Variants in ATXN7 observed in about 807,000 individuals in gnomAD.
ATXN7 encodes ataxin 7.
A neutral mutation model predicts 70.5 loss-of-function variants in ATXN7; 12 were observed. The observed-to-expected ratio is 0.17, with a 90% confidence interval of 0.11 to 0.28. The LOEUF is 0.28. Ranked by LOEUF, ATXN7 falls within the 10% of genes least tolerant of loss-of-function variation. The probability of loss-of-function intolerance (pLI) is 1.00; values close to 1 mark genes in which losing one functional copy is unlikely to be tolerated. For synonymous variants in ATXN7, 498 were observed against 448.7 expected (o/e 1.11, Z -1.39); for missense variants, 1,256 against 1,131.7 (o/e 1.11, Z -1.58).
At chr3:63,949,629 C>G (rs72883991) in intron 4 of ATXN7, among the ~76,000 whole-genome samples, 3,808 of 152,272 alleles carry the variant, frequency 0.025, 158 homozygotes, top group African/African-American at 0.084. Flanking sequence ...AACTCCTGAC[C>G]TCGGGTAATC....
At chr3:63,981,945 T>C (rs1041565831) in intron 6 of ATXN7, among the ~76,000 whole-genome samples, 52 of 152,214 alleles carry the variant, frequency 3.4e-4, no homozygotes, top group African/African-American at 1.2e-3. Flanking sequence ...GTAAAATTTT[T>C]TGAAATGATG....
intron 1 of ATXN7, among the ~76,000 whole-genome samples, chr3:63,871,742 T>C (rs1702597292): frequency 6.6e-6 from 1 of 152,156 alleles, no homozygotes; most frequent in Non-Finnish European, 1.5e-5. Flanking sequence ...TTGAAGTATA[T>C]GGAAGAAAAT....
chr3:63,895,415 G>A (rs149187909), intron 1 of ATXN7, among the ~76,000 whole-genome samples: 2,322 of 152,206 alleles, frequency 0.015, 29 homozygotes, highest in Non-Finnish European at 0.023. Context: ...TGAACCCTTC[G>A]GCCTTCTGCA....
In ATXN7 at chr3:63,988,307, C is replaced by T. The variant is rs746797278; in HGVS notation, c.1344C>T (p.His448=). ...TTGTAGCTAGTAAACCTAAACCTCA[C>T]ACCCCCAGTCTTCCAAGGTAAGCCA... is the stretch of plus-strand genomic sequence containing the variant. ...KPFVASKPKP[H]TPSLPRPPGC... is the part of the protein sequence containing the mutation. The change falls in exon 9 of 13, where the codon CAC becomes CAT. Residue 448 remains histidine (H), a synonymous_variant. Transcript: ENST00000674280. The T allele has an allele frequency of 1.2e-6, 2 of 1,614,108 alleles. No individual in the cohort carries two copies. Among genetic ancestry groups the T allele is most frequent in the South Asian group, 2.2e-5 (2 of 91,078 alleles).
intron 4 of ATXN7, among the ~76,000 whole-genome samples, chr3:63,931,556 A>G (rs1056144483): frequency 6.6e-6 from 1 of 152,186 alleles, no homozygotes; most frequent in Non-Finnish European, 1.5e-5. Flanking sequence ...TGAGGCCGCT[A>G]CAGGTCTGAT....
chr3:64,002,877 A>C lies in ATXN7; in HGVS notation c.*3410A>C, dbSNP rs1866300. ...GTTTTGTTATTCACTCATGAAATAC[A>C]ATTTAAAATATTTAAAATATTTTGT... On this transcript the variant is annotated 3_prime_UTR_variant, in exon 13 of 13. Coordinates refer to ENST00000674280, the MANE Select transcript of ATXN7 (RefSeq NM_001377405.1). The C allele has an allele frequency of 6.6e-6, 1 of 150,886 alleles. No individual in the cohort carries two copies. Among genetic ancestry groups the C allele is most frequent in the African/African-American group, 2.4e-5 (1 of 41,332 alleles). 9.3% of individuals were successfully genotyped at this position (150,886 alleles called of 1,614,324 possible).
Position 63,912,767 on chromosome 3 carries a change from C to T in ATXN7, c.169C>T (p.Arg57Cys), listed in dbSNP as rs766786119. The change falls in exon 3 of 13, where the codon CGC (arginine) becomes TGC (cysteine). Residue 57 changes from arginine to cysteine, a missense_variant. Coordinates refer to ENST00000674280, the MANE Select transcript of ATXN7 (RefSeq NM_001377405.1). Reference sequence around the variant, plus strand: ...GCAGCACCCGCCACCGCCGCCACGGCGCACACGGCCGGAGGACGGCGGGCC... The same window carrying T: ...GCAGCACCCGCCACCGCCGCCACGGTGCACACGGCCGGAGGACGGCGGGCC... The part of the protein sequence containing the change: ...RQQHPPPPPR[R>C]TRPEDGGPGA... 7.1e-6 allele frequency: 10 copies of T among 1,402,716 alleles called. No homozygotes were observed. The highest frequency in any genetic ancestry group is 3.3e-5 in the South Asian group (2 of 60,168). The allele number at this position is 1,402,716 out of a possible 1,614,324, so 86.9% of individuals were successfully genotyped here.
chr3:63,991,552 G>T (rs2075672013), intron 11 of ATXN7, among the ~76,000 whole-genome samples: 1 of 152,094 alleles, frequency 6.6e-6, no homozygotes, highest in Non-Finnish European at 1.5e-5. Flanking sequence ...GAAGGAAGCA[G>T]CTGTGTCAAG....
chr3:64,002,529 A>C lies in ATXN7; in HGVS notation c.*3062A>C, dbSNP rs548589167. 13 of 152,110 alleles carry C rather than the reference A, an allele frequency of 8.5e-5. No homozygotes were observed. Among genetic ancestry groups the C allele is most frequent in the African/African-American group, 3.1e-4 (13 of 41,500 alleles). 9.4% of individuals were successfully genotyped at this position (152,110 alleles called of 1,614,324 possible). On this transcript the variant is annotated 3_prime_UTR_variant, in exon 13 of 13. Coordinates refer to ENST00000674280, the MANE Select transcript of ATXN7 (RefSeq NM_001377405.1). ...TGTGTGCCTGTGCGTGTGTGTGTATACTCAGCACATGTATGTTACTATGTG... is the reference window on the plus strand; with the variant it reads ...TGTGTGCCTGTGCGTGTGTGTGTATCCTCAGCACATGTATGTTACTATGTG...
intron 1 of ATXN7, among the ~76,000 whole-genome samples, chr3:63,885,158 T>C (rs1703050779): frequency 6.6e-6 from 1 of 152,052 alleles, no homozygotes; most frequent in Non-Finnish European, 1.5e-5. Flanking sequence ...ACAAAGGAAA[T>C]AGTCAACAGA....
At chr3:63,972,855 C>G (rs757846319) in intron 5 of ATXN7, among the ~76,000 whole-genome samples, 3 of 152,134 alleles carry the variant, frequency 2.0e-5, no homozygotes, top group Non-Finnish European at 2.9e-5. Context: ...TTGATTTGTT[C>G]TTAAGTGATT....
intron 4 of ATXN7, among the ~76,000 whole-genome samples, chr3:63,920,380 A>G (rs1171425098): frequency 6.6e-6 from 1 of 152,306 alleles, no homozygotes; most frequent in Non-Finnish European, 1.5e-5. Context: ...TACGACTCAG[A>G]AAAGTGAGGT....
chr3:63,946,879 G>A (rs2074873052), intron 4 of ATXN7, among the ~76,000 whole-genome samples: 1 of 152,056 alleles, frequency 6.6e-6, no homozygotes, highest in African/African-American at 2.4e-5. Flanking sequence ...CAGGCAGCTG[G>A]GAGGAGGAGG....
intron 2 of ATXN7, chr3:63,904,089 C>G (rs1703747953): frequency 6.6e-6 from 1 of 152,242 alleles, no homozygotes; most frequent in Non-Finnish European, 1.5e-5. Context: ...TAAGCAGTCA[C>G]TCTCCATCTT....
At chr3:63,996,711 TC>T (rs1171824012) in intron 12 of ATXN7, 1 of 570,190 alleles carries the variant, frequency 1.8e-6, no homozygotes, top group East Asian at 3.0e-5. Flanking sequence ...AAGATGTTCT[TC>T]AGTAAAGAAA....
chr3:63,916,760 C>G (rs776806385), intron 4 of ATXN7, among the ~76,000 whole-genome samples: 5 of 152,186 alleles, frequency 3.3e-5, no homozygotes, highest in African/African-American at 1.2e-4. Flanking sequence ...AATGTTAAGA[C>G]AAAATTTGGT....
chr3:63,997,564 C>A, intron 12 of ATXN7: 1 of 1,464,492 alleles, frequency 6.8e-7, no homozygotes, highest in Non-Finnish European at 9.4e-7. Flanking sequence ...CTGTTTCTTC[C>A]AGCTTCCTTT....
intron 2 of ATXN7, 77 bp from the exon 3 acceptor site, chr3:63,912,511 C>T: frequency 1.0e-6 from 1 of 966,668 alleles, no homozygotes; most frequent in Non-Finnish European, 1.3e-6. Flanking sequence ...GCCGCGCACG[C>T]CGCCGGAACT....
chr3:63,875,171 T>C (rs1249460170), intron 1 of ATXN7, among the ~76,000 whole-genome samples: 1 of 152,158 alleles, frequency 6.6e-6, no homozygotes, highest in Non-Finnish European at 1.5e-5. Flanking sequence ...TCCAGGCCGG[T>C]CTTGAACTCC....
Sources: gnomAD v4.1 joint callset for allele counts (sites outside exome capture counted in the v4.1 genomes callset) on GRCh38, gnomAD v4.1.1 for gene constraint, MANE v1.5 for transcripts, NCBI Gene and HGNC (gene_info 2026-07-23, HGNC 2026-07-21) for gene names.